Variants in DMBX1 observed in about 807,000 individuals in gnomAD.
DMBX1 encodes diencephalon/mesencephalon homeobox protein 1.
In DMBX1, 7 loss-of-function variants were observed where a neutral mutation model predicts 30.4. That is an observed-to-expected ratio of 0.23 (90% CI 0.13 to 0.43). The LOEUF (loss-of-function observed/expected upper bound fraction) is 0.43. Among genes scored for constraint, DMBX1 ranks in the 20% least tolerant of loss-of-function variants. DMBX1 has a pLI of 1.00. For synonymous variants in DMBX1, 222 were observed against 214.2 expected, an observed-to-expected ratio of 1.04 and a Z score of -0.32; for missense variants, 460 against 508.5, an observed-to-expected ratio of 0.90 and a Z score of 0.92.
chr1:46,512,485 GC>G lies in DMBX1; in HGVS notation c.1128del (p.Asn377ThrfsTer74), dbSNP rs1413792807. On this transcript the variant is annotated frameshift_variant, in exon 6 of 6. Transcript: ENST00000360032. LOFTEE classifies it high-confidence loss of function. The surrounding 1 kb of genome is among the most constrained non-coding windows in gnomAD (Gnocchi z 4.8). ...CGGCCTCCCTGGGACTCGATACGCT[GC>G]CCAACTGACTGTCTGGCTTCCAACC... ...HAASLGLDTL[P>X]N The G allele has an allele frequency of 6.2e-7, 1 of 1,607,432 alleles. No individual in the cohort carries two copies. Among genetic ancestry groups the G allele is most frequent in the Non-Finnish European group, 8.5e-7 (1 of 1,175,604 alleles).
Position 46,510,808 on chromosome 1 carries a change from C to A in DMBX1, c.334-127C>A. 1 of 1,347,314 alleles carries A rather than the reference C, an allele frequency of 7.4e-7. No homozygotes were observed. Among genetic ancestry groups the A allele is most frequent in the Non-Finnish European group, 1.0e-6 (1 of 998,720 alleles). The allele number at this position is 1,347,314 out of a possible 1,614,324, so 83.5% of individuals were successfully genotyped here. A position where few individuals can be genotyped will look rare whatever the true frequency, so the allele number is the denominator to read the frequency against. ...GATAGGAGGGGAGTTTGGGAAGGGA[C>A]AGAGGGTGTGCATTCCCTAGAGGGG... On this transcript the variant is annotated intron_variant, in intron 4 of 5. Coordinates refer to ENST00000360032, the MANE Select transcript of DMBX1 (RefSeq NM_172225.2). The surrounding 1 kb of genome is among the most constrained non-coding windows in gnomAD (Gnocchi z 4.1).
Position 46,491,087 on chromosome 1 carries a change from T to G in DMBX1, c.-13+304T>G, listed in dbSNP as rs1665920504. Among the ~76,000 whole-genome samples the G allele has an allele frequency of 2.6e-5, 4 of 152,002 alleles. No homozygotes were observed. The highest frequency in any genetic ancestry group is 2.6e-4 in the Admixed American group (4 of 15,262). ...GCTGAACTTTCTGGCGGTCACAAAT[T>G]CCCGGAACCTGCGCAGGGGCTTCGT... On this transcript the variant is annotated intron_variant, in intron 2 of 5. Coordinates refer to ENST00000360032, the MANE Select transcript of DMBX1 (RefSeq NM_172225.2). The surrounding 1 kb of genome is among the most constrained non-coding windows in gnomAD (Gnocchi z 5.5).
At chr1:46,501,272 C>CTTTCTTTTCTTTCTT (rs1557786162) in intron 2 of DMBX1, among the ~76,000 whole-genome samples, 1 of 83,892 alleles carries the variant, frequency 1.2e-5, no homozygotes, top group Admixed American at 1.4e-4. Context: ...CTTTCTTTCT[C>CTTTCTTTTCTTTCTT]TTCTTTCTTT....
chr1:46,511,388 C>T, intron 5 of DMBX1, 105 bp downstream of exon 5: 3 of 1,254,242 alleles, frequency 2.4e-6, no homozygotes, highest in Non-Finnish European at 3.2e-6. Context: ...CATGGCGCAT[C>T]AGAAAGGACT....
intron 2 of DMBX1, among the ~76,000 whole-genome samples, chr1:46,502,876 T>C (rs767894361): frequency 2.6e-5 from 4 of 152,010 alleles, no homozygotes; most frequent in Non-Finnish European, 5.9e-5. Context: ...CGAGACCCTG[T>C]CTCAGAAATA....
At chr1:46,501,335 C>T (rs1666134735) in intron 2 of DMBX1, among the ~76,000 whole-genome samples, 1 of 150,840 alleles carries the variant, frequency 6.6e-6, no homozygotes, top group South Asian at 2.1e-4. Flanking sequence ...GGCTGGAGTG[C>T]AGTGACATGA....
rs59809955 is a variant in DMBX1, at chr1:46,513,882, G to C, written c.*1388G>C. 9,303 of 152,292 alleles carry C rather than the reference G, an allele frequency of 0.061. 726 individuals are homozygous for C. Among genetic ancestry groups the C allele is most frequent in the African/African-American group, 0.18 (7,561 of 41,492 alleles). The allele number at this position is 152,292 out of a possible 1,614,324, so 9.4% of individuals were successfully genotyped here. The stretch of plus-strand genomic sequence containing the variant: ...GCTAGTCACTGGAATGGAAAAGTGT[G>C]TTCCTGTTCATAGCCAGGAAACCCA... On this transcript the variant is annotated 3_prime_UTR_variant, in exon 6 of 6. Transcript: ENST00000360032.
rs149421625 is a variant in DMBX1 at position 46,512,313 on chromosome 1, C to T, written c.953C>T (p.Ser318Phe). ...CTGCACTGCCAGTCCTACTACCAGT[C>T]CCTGTCAGCAGCCGCTGCTGCCCAC... The part of the protein sequence containing the change: ...GSLHCQSYYQ[S>F]LSAAAAAHQG... Residue 318 changes from serine to phenylalanine, a missense_variant, in exon 6 of 6, where the codon TCC (serine) becomes TTC (phenylalanine). This residue lies in a region of DMBX1 where 334 missense variants were observed against 345.1 expected (regional missense o/e 0.97). Transcript: ENST00000360032. The surrounding 1 kb of genome is among the most constrained non-coding windows in gnomAD (Gnocchi z 4.8). The T allele has an allele frequency of 6.2e-6, 10 of 1,613,710 alleles. No individual in the cohort carries two copies. In the South Asian group the frequency reaches 9.9e-5, roughly 16 times the overall value.
rs1665975017 is a variant in DMBX1 at position 46,493,790 on chromosome 1, G to T, written c.-13+3007G>T. ...ACATCTGTCAGTGTGCAGAGCAGGA[G>T]CCGCAACCGCGCTTTCTGCGCCCGC... On this transcript the variant is annotated intron_variant, in intron 2 of 5. Coordinates refer to ENST00000360032, the MANE Select transcript of DMBX1 (RefSeq NM_172225.2). This position sits in a 1 kb window ranked among gnomAD's most constrained non-coding sequence, Gnocchi z 4.1. 6.6e-6 allele frequency among the ~76,000 whole-genome samples: 1 copy of T among 152,250 alleles called. No individual in the cohort carries two copies. Among genetic ancestry groups the T allele is most frequent in the African/African-American group, 2.4e-5 (1 of 41,468 alleles).
At chr1:46,509,125 T>C (rs1274143545) in intron 3 of DMBX1, among the ~76,000 whole-genome samples, 1 of 151,536 alleles carries the variant, frequency 6.6e-6, no homozygotes, top group African/African-American at 2.4e-5. Context: ...CAGGCTGGAG[T>C]GCAATGGTGC....
chr1:46,496,325 TA>T (rs1457078545), intron 2 of DMBX1, among the ~76,000 whole-genome samples: 4 of 152,158 alleles, frequency 2.6e-5, no homozygotes, highest in South Asian at 2.1e-4. Context: ...CCTCACATCC[TA>T]TCCTCCCACT....
At chr1:46,511,330 G>A (rs1362150939) in intron 5 of DMBX1, 47 bp downstream of exon 5, 1 of 1,470,622 alleles carries the variant, frequency 6.8e-7, no homozygotes, top group Non-Finnish European at 9.0e-7. Flanking sequence ...TGGGGGCCCT[G>A]AGCGTGTGAA....
chr1:46,489,863 G>A lies in DMBX1; in HGVS notation c.-167G>A, dbSNP rs1319378409. Among the ~76,000 whole-genome samples, 4 of 152,176 alleles carry A rather than the reference G, an allele frequency of 2.6e-5. No individual in the cohort carries two copies. In the East Asian group the frequency reaches 7.7e-4, roughly 29 times the overall value. ...AGATGGCAGCGGAGGCGGCGGCGCG[G>A]GCCGGGGTGACCAGGTACGAGCGGG... On this transcript the variant is annotated 5_prime_UTR_variant, in exon 1 of 6. Transcript: ENST00000360032.
At chr1:46,494,371 G>A (rs74342198) in intron 2 of DMBX1, among the ~76,000 whole-genome samples, 4,353 of 152,302 alleles carry the variant, frequency 0.029, 83 homozygotes, top group South Asian at 0.046. Flanking sequence ...TAAGGACCTC[G>A]GAAAACTGGA....
At chr1:46,497,413 T>A (rs1028886457) in intron 2 of DMBX1, among the ~76,000 whole-genome samples, 3 of 152,218 alleles carry the variant, frequency 2.0e-5, no homozygotes, top group Non-Finnish European at 2.9e-5. Context: ...TCTCAGAGAA[T>A]GTTTGTTTCC....
At chr1:46,495,951 A>T (rs1037988083) in intron 2 of DMBX1, among the ~76,000 whole-genome samples, 4 of 152,098 alleles carry the variant, frequency 2.6e-5, no homozygotes, top group African/African-American at 9.7e-5. Context: ...CTCTTAAGAA[A>T]TATGGCTTTG....
intron 2 of DMBX1, among the ~76,000 whole-genome samples, chr1:46,497,502 A>G (rs2148482574): frequency 6.6e-6 from 1 of 152,334 alleles, no homozygotes; most frequent in South Asian, 2.1e-4. Flanking sequence ...ATGAGAAGAA[A>G]CAGAGGGAAA....
rs138584907 is a variant in DMBX1, at chr1:46,512,235, C to T, written c.875C>T (p.Ala292Val). Residue 292 changes from alanine (A) to valine (V), a missense_variant, in exon 6 of 6, where the codon GCG becomes GTG. By Grantham distance (64) the Ala-to-Val change is moderately conservative. Around this residue, in one of 3 missense-constraint regions of DMBX1, gnomAD observed 334 missense variants for 345.1 expected, o/e 0.97. Transcript: ENST00000360032. This position sits in a 1 kb window ranked among gnomAD's most constrained non-coding sequence, Gnocchi z 4.8. The stretch of plus-strand genomic sequence containing the variant: ...GGGGGTCCGGCCCCTGCTGCTGCAG[C>T]GGCGGCTGCTGCTGTGCCCTACCTG... ...EVGGPAPAAAAAAAAVPYLGV... is the reference protein window; with the variant it reads ...EVGGPAPAAAVAAAAVPYLGV... 358 of 1,613,752 alleles carry T rather than the reference C, an allele frequency of 2.2e-4. 1 individual carries two copies. The African/African-American group carries it at 3.1e-3, about 14-fold the overall frequency.
Position 46,510,425 on chromosome 1 carries a change from A to C in DMBX1, c.155-51A>C. On this transcript the variant is annotated intron_variant, in intron 3 of 5. Transcript: ENST00000360032. The surrounding 1 kb of genome is among the most constrained non-coding windows in gnomAD (Gnocchi z 4.1). Reference sequence around the variant, plus strand: ...AGGATAAGATTCAAAGCTATTTCCCATAATTAAATGGGCCCCCTCTCCTTG... The same window carrying C: ...AGGATAAGATTCAAAGCTATTTCCCCTAATTAAATGGGCCCCCTCTCCTTG... 1 of 1,587,376 alleles carries C rather than the reference A, an allele frequency of 6.3e-7. No individual in the cohort carries two copies.
Sources: gnomAD v4.1 joint callset for allele counts (sites outside exome capture counted in the v4.1 genomes callset) on GRCh38, gnomAD v4.1.1 for gene constraint, gnomAD v4.1.1 regional missense constraint, Gnocchi (gnomAD v3.1) non-coding constraint, MANE v1.5 for transcripts, NCBI Gene and HGNC (gene_info 2026-07-23, HGNC 2026-07-21) for gene names.